Variants in LARGE1 observed in about 807,000 individuals in gnomAD.
LARGE1 encodes the protein xylosyl- and glucuronyltransferase LARGE1.
A neutral mutation model predicts 87.6 loss-of-function variants in LARGE1; 43 were observed. That is an observed-to-expected ratio of 0.49 (90% CI 0.38 to 0.63). The LOEUF (loss-of-function observed/expected upper bound fraction) is 0.63, where lower values mean the gene tolerates loss of function less well. Ranked by LOEUF, LARGE1 falls within the 30% of genes least tolerant of loss-of-function variation. The pLI, the probability that LARGE1 is intolerant of heterozygous loss-of-function variation, is 0.00. For missense variants in LARGE1, 802 were observed against 1,000.2 expected, an observed-to-expected ratio of 0.80 and a Z score of 2.67; for synonymous variants, 434 against 394.6, an observed-to-expected ratio of 1.10 and a Z score of -1.18.
chr22:33,593,225 TAG>T (rs1207674936), intron 5 of LARGE1, among the ~76,000 whole-genome samples: 1 of 151,916 alleles, frequency 6.6e-6, no homozygotes, highest in Non-Finnish European at 1.5e-5. Flanking sequence ...ATTTTCTTGG[TAG>T]AGACGGGGTT....
chr22:33,429,552 C>G (rs1025310593), intron 7 of LARGE1, among the ~76,000 whole-genome samples: 4 of 152,176 alleles, frequency 2.6e-5, no homozygotes, highest in Admixed American at 2.0e-4. Flanking sequence ...TTCTTCTTCT[C>G]TCTGCAAACC....
At chr22:33,564,516 T>C (rs1043820912) in intron 6 of LARGE1, among the ~76,000 whole-genome samples, 14 of 152,326 alleles carry the variant, frequency 9.2e-5, no homozygotes, top group Admixed American at 4.6e-4. Context: ...TCTTGGCAAT[T>C]AGACTATCCT....
Position 33,652,930 on chromosome 22 carries a change from C to G in LARGE1, c.107-2262G>C, listed in dbSNP as rs2267246. Among the ~76,000 whole-genome samples the G allele has an allele frequency of 1.9e-3, 290 of 152,256 alleles. 9 individuals are homozygous for G. The East Asian group carries it at 0.041, about 21-fold the overall frequency. On this transcript the variant is annotated intron_variant, in intron 2 of 14. Coordinates refer to ENST00000397394, the MANE Select transcript of LARGE1 (RefSeq NM_133642.5). ...AATTGCACTGCCTGGGACCACAAATCAAAGGCCGATGCAGAATTGGTAGGG... is the reference window on the plus strand; with the variant it reads ...AATTGCACTGCCTGGGACCACAAATGAAAGGCCGATGCAGAATTGGTAGGG...
At chr22:33,314,040 C>A (rs1935884890) in intron 11 of LARGE1, among the ~76,000 whole-genome samples, 1 of 152,168 alleles carries the variant, frequency 6.6e-6, no homozygotes, top group African/African-American at 2.4e-5. Flanking sequence ...GTGCCTGGTG[C>A]AGAACGGTGA....
chr22:33,620,619 T>C lies in LARGE1; in HGVS notation c.491+5625A>G, dbSNP rs568690847. The stretch of plus-strand genomic sequence containing the variant: ...ACACAACCAAAAATATATGTAACAC[T>C]GAAAACAAAAACAAGATTACGCCCA... On this transcript the variant is annotated intron_variant, in intron 4 of 14. Transcript: ENST00000397394. 3.9e-5 allele frequency among the ~76,000 whole-genome samples: 6 copies of C among 152,272 alleles called. No individual in the cohort carries two copies. The South Asian group carries it at 8.3e-4, about 21-fold the overall frequency.
At chr22:33,432,083 A>T in intron 7 of LARGE1, 78 bp downstream of exon 7, 4 of 1,200,674 alleles carry the variant, frequency 3.3e-6, no homozygotes, top group Non-Finnish European at 4.9e-6. Flanking sequence ...AGCTTTTGCA[A>T]TCTCCTCTCC....
intron 1 of LARGE1, among the ~76,000 whole-genome samples, chr22:33,804,297 C>G (rs2086247619): frequency 1.3e-5 from 2 of 152,190 alleles, no homozygotes; most frequent in African/African-American, 4.8e-5. Context: ...CAGACTTGAT[C>G]TCTAATAGCC....
chr22:33,144,383 T>C, the LARGE1 span, among the ~76,000 whole-genome samples: 64,119 of 151,974 alleles, frequency 0.42, 13,973 homozygotes, highest in South Asian at 0.68. Flanking sequence ...TGCATAGAAT[T>C]AATTCTATAG....
At chr22:33,149,147 C>G in the LARGE1 span, among the ~76,000 whole-genome samples, 1 of 151,756 alleles carries the variant, frequency 6.6e-6, no homozygotes, top group Non-Finnish European at 1.5e-5. Flanking sequence ...CTCCATTCTC[C>G]TGCCTCAGCC....
chr22:33,076,791 G>A, the LARGE1 span, among the ~76,000 whole-genome samples: 1 of 152,100 alleles, frequency 6.6e-6, no homozygotes, highest in African/African-American at 2.4e-5. Context: ...TTTTTTGAGA[G>A]ACTCTTTCTT....
chr22:33,139,694 C>A, the LARGE1 span, among the ~76,000 whole-genome samples: 1 of 152,032 alleles, frequency 6.6e-6, no homozygotes, highest in South Asian at 2.1e-4. Flanking sequence ...AACTAGCTAG[C>A]CTATGGTTTA....
intron 2 of LARGE1, among the ~76,000 whole-genome samples, chr22:33,699,597 A>C (rs1422941012): frequency 6.6e-6 from 1 of 152,238 alleles, no homozygotes; most frequent in African/African-American, 2.4e-5. Flanking sequence ...GATTCTGAAG[A>C]GTGAGATTCC....
At chr22:33,826,429 G>A (rs1033033830) in intron 1 of LARGE1, among the ~76,000 whole-genome samples, 4 of 148,714 alleles carry the variant, frequency 2.7e-5, no homozygotes, top group Non-Finnish European at 4.4e-5. Flanking sequence ...TGCAACCTCC[G>A]CCTCCTGGGT....
At chr22:33,687,067 A>G (rs1393991951) in intron 2 of LARGE1, among the ~76,000 whole-genome samples, 1 of 151,422 alleles carries the variant, frequency 6.6e-6, no homozygotes, top group Non-Finnish European at 1.5e-5. Context: ...TGTCTTGGGG[A>G]TCACTGCACT....
intron 1 of LARGE1, among the ~76,000 whole-genome samples, chr22:33,917,919 A>C (rs919397725): frequency 6.6e-6 from 1 of 152,110 alleles, no homozygotes; most frequent in African/African-American, 2.4e-5. Flanking sequence ...CCTCAAGATA[A>C]ACCACAGTAA....
At chr22:33,287,622 C>T (rs1020737349) in intron 12 of LARGE1, among the ~76,000 whole-genome samples, 2 of 152,186 alleles carry the variant, frequency 1.3e-5, no homozygotes, top group African/African-American at 4.8e-5. Flanking sequence ...TCTGTTAGTA[C>T]ATCTTACCCT....
At chr22:33,312,359 G>A (rs947834786) in intron 11 of LARGE1, among the ~76,000 whole-genome samples, 44 of 147,710 alleles carry the variant, frequency 3.0e-4, no homozygotes, top group African/African-American at 8.1e-4. Flanking sequence ...AGAATCGCTC[G>A]AACCCAGAAG....
chr22:33,574,609 A>C (rs1415018865), intron 5 of LARGE1, among the ~76,000 whole-genome samples: 5 of 151,952 alleles, frequency 3.3e-5, no homozygotes, highest in Non-Finnish European at 7.4e-5. Flanking sequence ...GGTCTTGAAA[A>C]ATGGGTTGAA....
chr22:33,302,747 G>A (rs139588755), intron 12 of LARGE1, among the ~76,000 whole-genome samples: 2 of 152,188 alleles, frequency 1.3e-5, no homozygotes, highest in Non-Finnish European at 2.9e-5. Context: ...AAACCCCAGC[G>A]CAGCCCAACA....
Sources: allele counts gnomAD v4.1 joint callset (sites outside exome capture counted in the v4.1 genomes callset), GRCh38; gene constraint gnomAD v4.1.1; transcripts MANE v1.5; gene names NCBI Gene and HGNC (gene_info 2026-07-23, HGNC 2026-07-21).